The following KIF26B variants were observed in gnomAD, a reference collection of about 807,000 sequenced individuals.
KIF26B encodes the protein kinesin family member 26B.
KIF26B carries 63 observed loss-of-function variants against 151.2 expected under a neutral mutation model. The observed-to-expected ratio is 0.42, with a 90% confidence interval of 0.34 to 0.51. KIF26B has a LOEUF of 0.51. Ranked by LOEUF, KIF26B falls within the 20% of genes least tolerant of loss-of-function variation. KIF26B has a pLI of 0.07. For missense variants in KIF26B, 2,813 were observed against 2,913.6 expected (o/e 0.97, Z 0.79); for synonymous variants, 1,357 against 1,262.1 (o/e 1.08, Z -1.59).
intron 5 of KIF26B, among the ~76,000 whole-genome samples, chr1:245,562,502 C>T (rs1386719369): frequency 1.3e-5 from 2 of 151,954 alleles, no homozygotes; most frequent in African/African-American, 4.8e-5. Context: ...GTATGCACAC[C>T]GATTTCCCCA....
rs1674032734 is a variant in KIF26B at position 245,402,565 on chromosome 1, G to A, written c.1000-17014G>A. Among the ~76,000 whole-genome samples the A allele has an allele frequency of 2.6e-5, 4 of 152,332 alleles. No individual in the cohort carries two copies. In the South Asian group the frequency reaches 6.2e-4, roughly 24 times the overall value. Reference sequence around the variant, plus strand: ...TTAAAAATTGATAGTCTGTAAACTAGAGTGAGTGCGATCCGTGAACCCAAA... The same window carrying A: ...TTAAAAATTGATAGTCTGTAAACTAAAGTGAGTGCGATCCGTGAACCCAAA... On this transcript the variant is annotated intron_variant, in intron 3 of 14. Transcript: ENST00000407071.
chr1:245,372,289 C>T (rs1452201484), intron 3 of KIF26B, among the ~76,000 whole-genome samples: 2 of 152,124 alleles, frequency 1.3e-5, no homozygotes, highest in African/African-American at 4.8e-5. Flanking sequence ...CATCTCCGCG[C>T]CCTATTTGTC....
intron 3 of KIF26B, among the ~76,000 whole-genome samples, chr1:245,380,955 G>GGAAAAAAAAAAAA (rs1431076495): frequency 1.3e-5 from 1 of 77,932 alleles, no homozygotes. Context: ...CCAAAAAGAT[G>GGAAAAAAAAAAAA]AAAAAAAAAA....
chr1:245,395,958 C>T lies in KIF26B; in HGVS notation c.1000-23621C>T, dbSNP rs72761160. On this transcript the variant is annotated intron_variant, in intron 3 of 14. Coordinates refer to ENST00000407071, the MANE Select transcript of KIF26B (RefSeq NM_018012.4). Reference sequence around the variant, plus strand: ...AACAGGGGGGGAAATTTCTTCCTAGCGATGGTGTTGTAAAAAATTCACAAC... The same window carrying T: ...AACAGGGGGGGAAATTTCTTCCTAGTGATGGTGTTGTAAAAAATTCACAAC... Among the ~76,000 whole-genome samples the T allele has an allele frequency of 6.9e-3, 1,055 of 152,254 alleles. 4 individuals carry two copies. Among genetic ancestry groups the T allele is most frequent in the Non-Finnish European group, 0.012 (806 of 68,014 alleles).
intron 2 of KIF26B, among the ~76,000 whole-genome samples, chr1:245,190,654 T>TC (rs397789388): frequency 1.3e-5 from 2 of 149,816 alleles, no homozygotes. Context: ...TTTTTTTTTT[T>TC]ACATTTCTTA....
chr1:245,451,780 T>A (rs923691877), intron 4 of KIF26B, among the ~76,000 whole-genome samples: 5 of 151,730 alleles, frequency 3.3e-5, no homozygotes, highest in African/African-American at 1.2e-4. Context: ...TTGTATTTTT[T>A]GTAGAGATGG....
At chr1:245,246,495 C>T (rs1670332848) in intron 2 of KIF26B, among the ~76,000 whole-genome samples, 3 of 152,184 alleles carry the variant, frequency 2.0e-5, no homozygotes, top group African/African-American at 7.2e-5. Flanking sequence ...GTCCCAGTCT[C>T]CCCACCACCC....
Position 245,687,627 on chromosome 1 carries a change from G to A in KIF26B, c.4644G>A (p.Glu1548=). 1.9e-6 allele frequency: 3 copies of A among 1,565,736 alleles called. No homozygotes were observed. Among genetic ancestry groups the A allele is most frequent in the African/African-American group, 2.7e-5 (2 of 73,786 alleles). Residue 1548 remains glutamate, a synonymous_variant, in exon 12 of 15, where the codon GAG becomes GAA. Coordinates refer to ENST00000407071, the MANE Select transcript of KIF26B (RefSeq NM_018012.4). The surrounding 1 kb of genome is among the most constrained non-coding windows in gnomAD (Gnocchi z 4.9). ...PRAFQKASRQ[E]EPDSLSYYCA... is the part of the protein sequence containing the mutation. ...CCTTTCAGAAGGCCAGCCGGCAGGA[G>A]GAGCCGGACAGCCTCTCCTATTACT...
chr1:245,156,408 G>T lies in KIF26B; in HGVS notation c.190G>T (p.Gly64Cys). 3 of 1,533,888 alleles carry T rather than the reference G, an allele frequency of 2.0e-6. No homozygotes were observed. Among genetic ancestry groups the T allele is most frequent in the Non-Finnish European group, 8.8e-7 (1 of 1,142,088 alleles). Reference protein sequence around the residue: ...PTPEGAGSALGSSGTPSPGSG... With the variant: ...PTPEGAGSALCSSGTPSPGSG... Reference sequence around the variant, plus strand: ...TCCTGAGGGCGCGGGCTCAGCGCTCGGCTCCTCGGGGACCCCGTCTCCCGG... The same window carrying T: ...TCCTGAGGGCGCGGGCTCAGCGCTCTGCTCCTCGGGGACCCCGTCTCCCGG... The change falls in exon 2 of 15, where the codon GGC (glycine) becomes TGC (cysteine). Residue 64 changes from glycine to cysteine, a missense_variant. Transcript: ENST00000407071.
At chr1:245,661,828 A>G (rs573052322) in intron 10 of KIF26B, among the ~76,000 whole-genome samples, 5 of 113,172 alleles carry the variant, frequency 4.4e-5, no homozygotes, top group East Asian at 4.5e-4. Flanking sequence ...TGATATATAT[A>G]TTACACACAC....
At chr1:245,685,367 C>T (rs201698204) in intron 11 of KIF26B, 38 bp from the exon 12 acceptor site, 55 of 1,524,588 alleles carry the variant, frequency 3.6e-5, no homozygotes, top group African/African-American at 2.7e-4. Flanking sequence ...GAAACTGCCA[C>T]GGAAAGGCCA....
chr1:245,366,396 G>T (rs1427007751), intron 2 of KIF26B, among the ~76,000 whole-genome samples: 3 of 152,008 alleles, frequency 2.0e-5, no homozygotes, highest in Non-Finnish European at 4.4e-5. Flanking sequence ...GCTGGGCGTG[G>T]TGGTGGGCGC....
intron 4 of KIF26B, among the ~76,000 whole-genome samples, chr1:245,470,404 C>T (rs1659883960): frequency 6.6e-6 from 1 of 151,512 alleles, no homozygotes; most frequent in African/African-American, 2.4e-5. Flanking sequence ...TTGGAAAAAC[C>T]ATTTTTCTGA....
intron 11 of KIF26B, 44 bp from the exon 12 acceptor site, chr1:245,685,361 C>G: frequency 1.3e-6 from 2 of 1,493,958 alleles, no homozygotes; most frequent in Non-Finnish European, 1.8e-6. Flanking sequence ...CCCGGGGAAA[C>G]TGCCACGGAA....
chr1:245,420,743 G>A (rs189560658), intron 4 of KIF26B, among the ~76,000 whole-genome samples: 79 of 152,366 alleles, frequency 5.2e-4, no homozygotes, highest in African/African-American at 1.8e-3. Flanking sequence ...AAGATGATGA[G>A]AAATTATAAA....
At chr1:245,306,109 C>T (rs904980832) in intron 2 of KIF26B, among the ~76,000 whole-genome samples, 2 of 152,056 alleles carry the variant, frequency 1.3e-5, no homozygotes, top group African/African-American at 4.8e-5. Flanking sequence ...ATGTTTATAG[C>T]AACATTATTC....
Position 245,170,879 on chromosome 1 carries a change from C to G in KIF26B, c.465+14196C>G, listed in dbSNP as rs778528336. On this transcript the variant is annotated intron_variant, in intron 2 of 14. Transcript: ENST00000407071. The surrounding 1 kb of genome is among the most constrained non-coding windows in gnomAD (Gnocchi z 4.4). ...AGGTCACTTGTCTAGACACTGACCCCTCAGGCAGTGTTCATGTTTGGTTTA... is the reference window on the plus strand; with the variant it reads ...AGGTCACTTGTCTAGACACTGACCCGTCAGGCAGTGTTCATGTTTGGTTTA... 2.0e-5 allele frequency among the ~76,000 whole-genome samples: 3 copies of G among 152,218 alleles called. No homozygotes were observed. The highest frequency in any genetic ancestry group is 4.4e-5 in the Non-Finnish European group (3 of 68,028).
intron 4 of KIF26B, among the ~76,000 whole-genome samples, chr1:245,505,002 A>G (rs1009620485): frequency 5.9e-5 from 9 of 152,024 alleles, no homozygotes; most frequent in African/African-American, 2.2e-4. Context: ...GCAATGGCAC[A>G]CTCTTGGCTC....
At chr1:245,356,445 T>C (rs929445114) in intron 2 of KIF26B, among the ~76,000 whole-genome samples, 2 of 151,750 alleles carry the variant, frequency 1.3e-5, no homozygotes, top group Non-Finnish European at 2.9e-5. Context: ...GATCCCAAGG[T>C]ACTGGGGAGG....
Sources: allele counts gnomAD v4.1 joint callset (sites outside exome capture counted in the v4.1 genomes callset), GRCh38; gene constraint gnomAD v4.1.1; non-coding constraint Gnocchi (gnomAD v3.1); transcripts MANE v1.5; gene names NCBI Gene and HGNC (gene_info 2026-07-23, HGNC 2026-07-21).